Variants in SPATS2L observed in about 807,000 individuals in gnomAD.
SPATS2L encodes the protein SPATS2-like protein.
A neutral mutation model predicts 59.6 loss-of-function variants in SPATS2L; 30 were observed. The ratio of observed to expected loss-of-function variants is 0.50; its 90% CI spans 0.38 to 0.68. SPATS2L has a LOEUF of 0.68. Ranked by LOEUF, SPATS2L falls within the 30% of genes least tolerant of loss-of-function variation. SPATS2L has a pLI of 0.00. For missense variants in SPATS2L, 615 were observed against 700.0 expected (o/e 0.88, Z 1.37); for synonymous variants, 252 against 263.5 (o/e 0.96, Z 0.42).
intron 2 of SPATS2L, among the ~76,000 whole-genome samples, chr2:200,345,697 T>C (rs2080489828): frequency 6.6e-6 from 1 of 152,222 alleles, no homozygotes; most frequent in Non-Finnish European, 1.5e-5. Context: ...TAAGGACTCA[T>C]TGTATCATTT....
At chr2:200,420,617 T>C (rs1179839798) in intron 6 of SPATS2L, among the ~76,000 whole-genome samples, 4 of 152,204 alleles carry the variant, frequency 2.6e-5, no homozygotes, top group Non-Finnish European at 5.9e-5. Flanking sequence ...GCTGATGTGG[T>C]TTTCCACATG....
At chr2:200,362,571 A>G (rs1467961889) in intron 2 of SPATS2L, among the ~76,000 whole-genome samples, 4 of 152,158 alleles carry the variant, frequency 2.6e-5, no homozygotes, top group Non-Finnish European at 5.9e-5. Flanking sequence ...ACTTCCATTC[A>G]CATTCCATTG....
At chr2:200,309,290 G>A (rs777626971) in intron 1 of SPATS2L, among the ~76,000 whole-genome samples, 124 of 152,346 alleles carry the variant, frequency 8.1e-4, no homozygotes, top group Non-Finnish European at 1.5e-3. Context: ...TTTCTGAGGT[G>A]AGCCAGGACA....
chr2:200,359,653 G>A (rs1309605514), intron 2 of SPATS2L, among the ~76,000 whole-genome samples: 1 of 152,198 alleles, frequency 6.6e-6, no homozygotes, highest in Non-Finnish European at 1.5e-5. Context: ...AGTATTCCCA[G>A]AGAAGTCTTA....
chr2:200,347,963 C>T (rs2080575434), intron 2 of SPATS2L, among the ~76,000 whole-genome samples: 1 of 152,130 alleles, frequency 6.6e-6, no homozygotes, highest in Non-Finnish European at 1.5e-5. Context: ...CATTATCACC[C>T]CATATATGGC....
At chr2:200,419,566 GC>G in intron 6 of SPATS2L, 70 bp downstream of exon 6, 1 of 1,546,044 alleles carries the variant, frequency 6.5e-7, no homozygotes, top group Non-Finnish European at 8.8e-7. Flanking sequence ...GCTCATTGGG[GC>G]TGCTGTTGAT....
chr2:200,433,074 A>G (rs995258484), intron 6 of SPATS2L, among the ~76,000 whole-genome samples: 2 of 152,220 alleles, frequency 1.3e-5, no homozygotes, highest in African/African-American at 2.4e-5. Context: ...ATGAAAAACA[A>G]CAAGCCTCAT....
chr2:200,306,623 G>C (rs1243666153), upstream of SPATS2L: 1 of 993,778 alleles, frequency 1.0e-6, no homozygotes, highest in South Asian at 4.7e-5. Context: ...CGAGGGGAAG[G>C]CGGGCGGGTC....
At chr2:200,330,001 C>G (rs532618474) in intron 2 of SPATS2L, among the ~76,000 whole-genome samples, 1 of 152,258 alleles carries the variant, frequency 6.6e-6, no homozygotes, top group East Asian at 1.9e-4. Context: ...GGGAGTAGGA[C>G]ACAGACTCCT....
At chr2:200,356,243 G>A (rs1054391326) in intron 2 of SPATS2L, among the ~76,000 whole-genome samples, 1 of 152,156 alleles carries the variant, frequency 6.6e-6, no homozygotes, top group Non-Finnish European at 1.5e-5. Flanking sequence ...AAATAACACA[G>A]TTCTGAAACT....
chr2:200,426,616 A>G lies in SPATS2L; in HGVS notation c.445+7120A>G, dbSNP rs2083597550. Among the ~76,000 whole-genome samples, 3 of 152,136 alleles carry G rather than the reference A, an allele frequency of 2.0e-5. No individual in the cohort carries two copies. The South Asian group carries it at 6.2e-4, about 32-fold the overall frequency. On this transcript the variant is annotated intron_variant, in intron 6 of 12. Coordinates refer to ENST00000409140, the MANE Select transcript of SPATS2L (RefSeq NM_001100423.2). Reference sequence around the variant, plus strand: ...GTGGCCCATGCCTATACTCCCAGCTACTTGTGGGGCTGAGGTGAGAGGATC... The same window carrying G: ...GTGGCCCATGCCTATACTCCCAGCTGCTTGTGGGGCTGAGGTGAGAGGATC...
intron 3 of SPATS2L, chr2:200,389,758 G>A (rs1357715243): frequency 6.5e-6 from 1 of 153,024 alleles, no homozygotes; most frequent in Non-Finnish European, 1.5e-5. Flanking sequence ...GGTCACGCTG[G>A]GCAGCCTTTG....
At chr2:200,401,247 A>C (rs2082517102) in intron 3 of SPATS2L, among the ~76,000 whole-genome samples, 1 of 152,040 alleles carries the variant, frequency 6.6e-6, no homozygotes, top group African/African-American at 2.4e-5. Flanking sequence ...ATCCCTCCCC[A>C]CCCACCATCC....
At chr2:200,354,461 A>C (rs2080845772) in intron 2 of SPATS2L, among the ~76,000 whole-genome samples, 1 of 152,120 alleles carries the variant, frequency 6.6e-6, no homozygotes, top group African/African-American at 2.4e-5. Context: ...TACAAAAATT[A>C]GCTGAGCATG....
At chr2:200,457,566 G>A (rs771984719) in intron 8 of SPATS2L, among the ~76,000 whole-genome samples, 5 of 152,200 alleles carry the variant, frequency 3.3e-5, no homozygotes, top group East Asian at 3.8e-4. Context: ...AGGGACAGGC[G>A]TCCTGATATG....
intron 6 of SPATS2L, among the ~76,000 whole-genome samples, chr2:200,423,067 C>T (rs1366921180): frequency 1.3e-5 from 2 of 152,122 alleles, no homozygotes; most frequent in African/African-American, 4.8e-5. Flanking sequence ...ATGACCACAT[C>T]CTGGGTAGGA....
intron 9 of SPATS2L, 131 bp downstream of exon 9, chr2:200,459,958 CTG>C (rs1475308889): frequency 4.4e-6 from 3 of 682,220 alleles, no homozygotes; most frequent in Non-Finnish European, 7.5e-6. Context: ...CTCATGAACT[CTG>C]TAACCTTAGT....
chr2:200,305,934 A>G (rs1207107542), upstream of SPATS2L: 3 of 497,324 alleles, frequency 6.0e-6, no homozygotes, highest in African/African-American at 6.3e-5. Flanking sequence ...TGCTTCCATC[A>G]TGAATAATGA....
intron 12 of SPATS2L, among the ~76,000 whole-genome samples, chr2:200,475,490 C>T (rs1247470801): frequency 6.6e-6 from 1 of 152,194 alleles, no homozygotes; most frequent in Non-Finnish European, 1.5e-5. Flanking sequence ...AGGTCTTAGG[C>T]AGATAAAAGA....
Sources: gnomAD v4.1 joint callset for allele counts (sites outside exome capture counted in the v4.1 genomes callset) on GRCh38, gnomAD v4.1.1 for gene constraint, MANE v1.5 for transcripts, NCBI Gene and HGNC (gene_info 2026-07-23, HGNC 2026-07-21) for gene names.